Variants in ABTB1 observed in about 807,000 individuals in gnomAD.
ABTB1 encodes the protein ankyrin repeat and BTB domain containing 1.
In ABTB1, 45 loss-of-function variants were observed where a neutral mutation model predicts 57.1. The ratio of observed to expected loss-of-function variants is 0.79; its 90% CI spans 0.62 to 1.01. ABTB1 has a LOEUF of 1.01. Ranked by LOEUF, ABTB1 falls within the 50% of genes least tolerant of loss-of-function variation. ABTB1 has a pLI of 0.00. For missense variants in ABTB1, 630 were observed against 666.3 expected (o/e 0.95, Z 0.60); for synonymous variants, 302 against 275.4 (o/e 1.10, Z -0.95).
chr3:127,676,979 T>C lies in ABTB1; in HGVS notation c.539T>C (p.Ile180Thr), dbSNP rs1280130108. The C allele has an allele frequency of 6.2e-7, 1 of 1,613,712 alleles. No homozygotes were observed. Among genetic ancestry groups the C allele is most frequent in the Non-Finnish European group, 8.5e-7 (1 of 1,179,846 alleles). Reference sequence around the variant, plus strand: ...CCACTGCCCCCAGGCCGCCTGGACATTGGCGTAGAGCATGTGAGTGACTGT... The same window carrying C: ...CCACTGCCCCCAGGCCGCCTGGACACTGGCGTAGAGCATGTGAGTGACTGT... ...LQYLYTGRLD[I>T]GVEHVSDCER... Residue 180 changes from isoleucine to threonine, a missense_variant, in exon 7 of 12, where the codon ATT becomes ACT. Physicochemically the swap from Ile to Thr is moderately conservative, Grantham distance 89. Coordinates refer to ENST00000232744, the MANE Select transcript of ABTB1 (RefSeq NM_172027.3). This position sits in a 1 kb window ranked among gnomAD's most constrained non-coding sequence, Gnocchi z 5.4.
chr3:127,678,578 A>G (rs2075046041), intron 10 of ABTB1: 1 of 152,354 alleles, frequency 6.6e-6, no homozygotes, highest in Admixed American at 6.5e-5. Flanking sequence ...AAAGGTAGCC[A>G]GAGACAGTAC....
chr3:127,675,975 C>T lies in ABTB1; in HGVS notation c.181C>T (p.Arg61Cys), dbSNP rs147002334. 8.7e-6 allele frequency: 14 copies of T among 1,605,856 alleles called. No homozygotes were observed. The highest frequency in any genetic ancestry group is 3.3e-5 in the Admixed American group (2 of 59,872). ...LVLYLLANGA[R>C]CEANTFDGER... ...GTGAGCCCTGCCTCCCCCAGGAGCC[C>T]GCTGCGAGGCCAACACCTTCGATGG... The change falls in exon 4 of 12, where the codon CGC (arginine) becomes TGC (cysteine). Residue 61 changes from arginine (R) to cysteine (C), a missense_variant. Arg to Cys is a radical substitution (Grantham distance 180). Coordinates refer to ENST00000232744, the MANE Select transcript of ABTB1 (RefSeq NM_172027.3).
In ABTB1 at chr3:127,676,280, A is replaced by G; in HGVS notation, c.329A>G (p.Glu110Gly). ...GGCTTGTCCCTCCCCAGGCTTCTAG[A>G]GCAGGGCATCCACAGTGACGTGGTC... ...YYDDFLQRLL[E>G]QGIHSDVVFV... The change falls in exon 5 of 12, where the codon GAG becomes GGG. Residue 110 changes from glutamate (E) to glycine (G), a missense_variant. This residue lies in a region of ABTB1 where 579 missense variants were observed against 585.9 expected (regional missense o/e 0.99). Transcript: ENST00000232744. This position sits in a 1 kb window ranked among gnomAD's most constrained non-coding sequence, Gnocchi z 5.4. The G allele has an allele frequency of 6.2e-7, 1 of 1,613,378 alleles. No individual in the cohort carries two copies. The highest frequency in any genetic ancestry group is 8.5e-7 in the Non-Finnish European group (1 of 1,179,598).
In ABTB1 at chr3:127,677,211, G is replaced by C; in HGVS notation, c.687G>C (p.Glu229Asp). 5.6e-6 allele frequency: 9 copies of C among 1,610,358 alleles called. No individual in the cohort carries two copies. The highest frequency in any genetic ancestry group is 7.6e-6 in the Non-Finnish European group (9 of 1,178,566). ...CGTGTGTGAAGGTGCTGACCATCGA[G>C]CCCCCACCTGCAGACCCCCGCCTCC... ...PGTCVKVLTI[E>D]PPPADPRLRE... The change falls in exon 8 of 12, where the codon GAG becomes GAC. Residue 229 changes from glutamate (E) to aspartate (D), a missense_variant. By Grantham distance (45) the Glu-to-Asp change is conservative. Transcript: ENST00000232744.
chr3:127,674,816 C>T (rs2074940338), intron 3 of ABTB1, among the ~76,000 whole-genome samples: 1 of 152,212 alleles, frequency 6.6e-6, no homozygotes, highest in Non-Finnish European at 1.5e-5. Flanking sequence ...ACGACCTGGG[C>T]CCAGTCATCA....
chr3:127,677,837 C>T lies in ABTB1; in HGVS notation c.1023C>T (p.His341=), dbSNP rs1452350378. The part of the protein sequence containing the change: ...THVLYYMYSD[H]TELSPEAAYD... ...TGCTCTACTACATGTACAGCGACCACACTGAGGTGGGGGCTCAGGCAGAGC... is the reference window on the plus strand; with the variant it reads ...TGCTCTACTACATGTACAGCGACCATACTGAGGTGGGGGCTCAGGCAGAGC... Residue 341 remains histidine, a synonymous_variant, in exon 10 of 12, where the codon CAC becomes CAT. Coordinates refer to ENST00000232744, the MANE Select transcript of ABTB1 (RefSeq NM_172027.3). 1 of 1,611,584 alleles carries T rather than the reference C, an allele frequency of 6.2e-7. No homozygotes were observed. The highest frequency in any genetic ancestry group is 2.2e-5 in the East Asian group (1 of 44,892).
At chr3:127,673,199 C>G (rs1413674585) in intron 1 of ABTB1, 118 bp downstream of exon 1, 7 of 1,138,538 alleles carry the variant, frequency 6.1e-6, no homozygotes, top group Non-Finnish European at 8.0e-6. Flanking sequence ...CGGGTCACAG[C>G]CCTCGGAGCG....
chr3:127,674,611 G>C lies in ABTB1; in HGVS notation c.175+11G>C, dbSNP rs977381045. On this transcript the variant is annotated intron_variant, in intron 3 of 11. Transcript: ENST00000232744. ...ACCTTCTGGCCAATGGTGAGAGCAG[G>C]GAGCCCGGCTCACGGGTGTGCGTGG... The C allele has an allele frequency of 1.9e-6, 3 of 1,614,068 alleles. No homozygotes were observed. Among genetic ancestry groups the C allele is most frequent in the Non-Finnish European group, 2.5e-6 (3 of 1,180,032 alleles).
In ABTB1 at chr3:127,676,223, G is replaced by C; in HGVS notation, c.321-49G>C. ...CTGGGTTCTGAGTGCTCCGAGGAATGGGGTGGGGCTGTGCCAAGTATCCTC... is the reference window on the plus strand; with the variant it reads ...CTGGGTTCTGAGTGCTCCGAGGAATCGGGTGGGGCTGTGCCAAGTATCCTC... On this transcript the variant is annotated intron_variant, in intron 4 of 11. Coordinates refer to ENST00000232744, the MANE Select transcript of ABTB1 (RefSeq NM_172027.3). The surrounding 1 kb of genome is among the most constrained non-coding windows in gnomAD (Gnocchi z 5.4). 6.2e-7 allele frequency: 1 copy of C among 1,604,720 alleles called. No individual in the cohort carries two copies. Among genetic ancestry groups the C allele is most frequent in the Admixed American group, 1.7e-5 (1 of 59,830 alleles).
rs746301109 is a variant in ABTB1 at position 127,677,725 on chromosome 3, A to G, written c.911A>G (p.His304Arg). The stretch of plus-strand genomic sequence containing the variant: ...TACTTCCGAGCCCTGCTGGATGACC[A>G]CTTCCGAGAGAGCGAGGAGCCAGCG... ...SDYFRALLDD[H>R]FRESEEPATS... The change falls in exon 10 of 12, where the codon CAC becomes CGC. Residue 304 changes from histidine to arginine, a missense_variant. By Grantham distance (29) the His-to-Arg change is conservative. Around this residue, in one of 3 missense-constraint regions of ABTB1, gnomAD observed 579 missense variants for 585.9 expected, o/e 0.99. Transcript: ENST00000232744. The G allele has an allele frequency of 6.8e-6, 11 of 1,609,672 alleles. No individual in the cohort carries two copies. Among genetic ancestry groups the G allele is most frequent in the Middle Eastern group, 1.6e-4 (1 of 6,076 alleles).
At chr3:127,674,649 G>A in intron 3 of ABTB1, 49 bp downstream of exon 3, 1 of 1,603,374 alleles carries the variant, frequency 6.2e-7, no homozygotes, top group Non-Finnish European at 8.5e-7. Context: ...GCATGCATGT[G>A]TGCGTGTGGG....
chr3:127,673,170 G>C, intron 1 of ABTB1, 89 bp downstream of exon 1: 1 of 1,326,818 alleles, frequency 7.5e-7, no homozygotes, highest in Non-Finnish European at 9.8e-7. Flanking sequence ...GGCGGCCGCG[G>C]AGAGGCGGGC....
intron 10 of ABTB1, chr3:127,679,261 G>A (rs749446952): frequency 3.3e-5 from 10 of 306,620 alleles, no homozygotes; most frequent in Non-Finnish European, 4.6e-5. Flanking sequence ...GATAGCTCTC[G>A]TCGTCACTTC....
chr3:127,674,670 C>G, intron 3 of ABTB1, 70 bp downstream of exon 3: 1 of 1,570,408 alleles, frequency 6.4e-7, no homozygotes, highest in Non-Finnish European at 8.8e-7. Context: ...TGCATGCATG[C>G]GTGCGTGCAT....
intron 3 of ABTB1, among the ~76,000 whole-genome samples, chr3:127,674,895 A>C (rs2074942429): frequency 6.6e-6 from 1 of 152,220 alleles, no homozygotes; most frequent in African/African-American, 2.4e-5. Flanking sequence ...TTTCACAATG[A>C]ATCTGATCGG....
At chr3:127,673,426 A>G in intron 1 of ABTB1, 1 of 193,606 alleles carries the variant, frequency 5.2e-6, no homozygotes, top group Admixed American at 6.2e-5. Flanking sequence ...GGGCGCGGGT[A>G]TAGGCCTGGG....
chr3:127,678,835 C>G (rs2075054798), intron 10 of ABTB1: 1 of 152,298 alleles, frequency 6.6e-6, no homozygotes, highest in South Asian at 2.1e-4. Flanking sequence ...TGCCTACCTG[C>G]CAACAAGGGA....
rs760229802 is a variant in ABTB1 at position 127,676,015 on chromosome 3, A to C, written c.221A>C (p.Tyr74Ser). ...ACCTTCGATGGTGAGCGCTGCCTCT[A>C]TGGGGCACTGAGTGACCCCATCCGC... ...ANTFDGERCL[Y>S]GALSDPIRRA... is the part of the protein sequence containing the mutation. Residue 74 changes from tyrosine (Y) to serine (S), a missense_variant, in exon 4 of 12, where the codon TAT (tyrosine) becomes TCT (serine). Around this residue, in one of 3 missense-constraint regions of ABTB1, gnomAD observed 579 missense variants for 585.9 expected, o/e 0.99. Coordinates refer to ENST00000232744, the MANE Select transcript of ABTB1 (RefSeq NM_172027.3). This position sits in a 1 kb window ranked among gnomAD's most constrained non-coding sequence, Gnocchi z 5.4. 4 of 1,612,598 alleles carry C rather than the reference A, an allele frequency of 2.5e-6. No homozygotes were observed. The Admixed American group carries it at 5.0e-5, about 20-fold the overall frequency.
chr3:127,675,887 G>A, intron 3 of ABTB1, 83 bp from the exon 4 acceptor site: 1 of 1,532,660 alleles, frequency 6.5e-7, no homozygotes, highest in Non-Finnish European at 8.9e-7. Context: ...CCCCATGTGT[G>A]GGAAGGTGGG....
Sources: gnomAD v4.1 joint callset for allele counts (sites outside exome capture counted in the v4.1 genomes callset) on GRCh38, gnomAD v4.1.1 for gene constraint, gnomAD v4.1.1 regional missense constraint, Gnocchi (gnomAD v3.1) non-coding constraint, MANE v1.5 for transcripts, NCBI Gene and HGNC (gene_info 2026-07-23, HGNC 2026-07-21) for gene names.